The following CEP57L1 variants were observed in gnomAD, a reference collection of about 807,000 sequenced individuals.
CEP57L1 encodes centrosomal protein 57 like 1, also known as centrosomal protein CEP57L1.
CEP57L1 carries 37 observed loss-of-function variants against 61.0 expected under a neutral mutation model. That is an observed-to-expected ratio of 0.61 (90% CI 0.47 to 0.80). The LOEUF (loss-of-function observed/expected upper bound fraction) is 0.80. Among genes scored for constraint, CEP57L1 ranks in the 30% least tolerant of loss-of-function variants. The pLI, the probability that CEP57L1 is intolerant of heterozygous loss-of-function variation, is 0.00. For missense variants in CEP57L1, 422 were observed against 524.7 expected, an observed-to-expected ratio of 0.80 and a Z score of 1.91; for synonymous variants, 137 against 162.3, an observed-to-expected ratio of 0.84 and a Z score of 1.19.
At chr6:109,120,986 T>C (rs2114697205) in intron 1 of CEP57L1, among the ~76,000 whole-genome samples, 1 of 151,140 alleles carries the variant, frequency 6.6e-6, no homozygotes, top group African/African-American at 2.4e-5. Flanking sequence ...AAACATTTGC[T>C]CTGGGGGTAG....
At chr6:109,107,594 T>A (rs1369019976) in intron 1 of CEP57L1, among the ~76,000 whole-genome samples, 4 of 152,124 alleles carry the variant, frequency 2.6e-5, no homozygotes, top group Non-Finnish European at 5.9e-5. Context: ...AGACAAAACT[T>A]AATTGTTACC....
In CEP57L1 at chr6:109,108,011, T is replaced by G. The variant is rs116355244; in HGVS notation, c.-4+12436T>G. 8.3e-3 allele frequency among the ~76,000 whole-genome samples: 1,261 copies of G among 152,254 alleles called. 24 individuals are homozygous for G. Among genetic ancestry groups the G allele is most frequent in the African/African-American group, 0.029 (1,210 of 41,554 alleles). On this transcript the variant is annotated intron_variant, in intron 1 of 10. Transcript: ENST00000517392. ...CTCTTTTAATAGAATTTTAGAAATGTATGAAAACCTCAAAATTAAGTTATT... is the reference window on the plus strand; with the variant it reads ...CTCTTTTAATAGAATTTTAGAAATGGATGAAAACCTCAAAATTAAGTTATT...
intron 7 of CEP57L1, chr6:109,158,294 C>T (rs983640210): frequency 1.1e-5 from 2 of 181,202 alleles, no homozygotes; most frequent in Non-Finnish European, 1.2e-5. Flanking sequence ...TCAAGACCAG[C>T]CTGGCCAATA....
intron 1 of CEP57L1, among the ~76,000 whole-genome samples, chr6:109,110,426 G>A (rs1342568290): frequency 6.8e-6 from 1 of 148,110 alleles, no homozygotes; most frequent in African/African-American, 2.4e-5. Context: ...CTTTGTAGAT[G>A]GATAGTCAGA....
Position 109,168,287 on chromosome 6 carries a change from G to A in CEP57L1, c.*5317G>A, listed in dbSNP as rs1774226450. On this transcript the variant is annotated 3_prime_UTR_variant, in exon 11 of 11. Coordinates refer to ENST00000517392, the MANE Select transcript of CEP57L1 (RefSeq NM_001271852.3). ...AGCCAGTCTATAATCCAATTCAAAG[G>A]CATGAGTGGAAAAAGTGGGTATGAA... is the stretch of plus-strand genomic sequence containing the variant. Among the ~76,000 whole-genome samples the A allele has an allele frequency of 6.6e-6, 1 of 152,166 alleles. No homozygotes were observed. The highest frequency in any genetic ancestry group is 2.4e-5 in the African/African-American group (1 of 41,430).
upstream of CEP57L1, chr6:109,095,489 A>AC (rs200373489): frequency 7.5e-3 from 7,355 of 985,524 alleles, 29 homozygotes; most frequent in Non-Finnish European, 8.3e-3. Flanking sequence ...AGAAACTACA[A>AC]CCCCCAGGGG....
chr6:109,153,995 T>C (rs1316062834), intron 5 of CEP57L1, 46 bp downstream of exon 5: 3 of 964,346 alleles, frequency 3.1e-6, no homozygotes, highest in Admixed American at 2.2e-5. Context: ...ATCTTTAGTG[T>C]TAAGCATAAT....
chr6:109,117,773 A>T lies in CEP57L1; in HGVS notation c.-4+22198A>T, dbSNP rs139845337. Among the ~76,000 whole-genome samples, 51 of 152,306 alleles carry T rather than the reference A, an allele frequency of 3.3e-4. No homozygotes were observed. The East Asian group carries it at 7.9e-3, about 24-fold the overall frequency. On this transcript the variant is annotated intron_variant, in intron 1 of 10. Transcript: ENST00000517392. ...ATATTAAGCGAAGTGAATTATGCAG[A>T]TACAGTCACAGGCAACGTCTATATG...
At position 109,160,635 on chromosome 6, in the gene CEP57L1, A is replaced by G. The variant is rs1489271300; in HGVS notation, c.1080A>G (p.Ile360Met). The G allele has an allele frequency of 1.9e-6, 3 of 1,607,300 alleles. No individual in the cohort carries two copies. The highest frequency in any genetic ancestry group is 1.3e-5 in the African/African-American group (1 of 74,518). Residue 360 changes from isoleucine to methionine, a missense_variant, in exon 10 of 11, where the codon ATA (isoleucine) becomes ATG (methionine). Transcript: ENST00000517392. ...AAAGTCATTCAGTCTGTGACGACAT[A>G]GAATGTGAACTAGAGTGTTTACTCA... is the stretch of plus-strand genomic sequence containing the variant. ...ETESHSVCDDIECELECLLKK... is the reference protein window; with the variant it reads ...ETESHSVCDDMECELECLLKK...
At chr6:109,114,086 C>T (rs1381032242) in intron 1 of CEP57L1, among the ~76,000 whole-genome samples, 1 of 151,834 alleles carries the variant, frequency 6.6e-6, no homozygotes. Flanking sequence ...AGTGGGATTG[C>T]TGGATTATAT....
At chr6:109,145,614 C>A (rs913818923) in intron 2 of CEP57L1, among the ~76,000 whole-genome samples, 1 of 151,734 alleles carries the variant, frequency 6.6e-6, no homozygotes, top group Non-Finnish European at 1.5e-5. Flanking sequence ...ACAGAGTTAT[C>A]ATAAAAACAT....
chr6:109,143,171 C>G (rs1771606626), intron 1 of CEP57L1, among the ~76,000 whole-genome samples: 1 of 151,950 alleles, frequency 6.6e-6, no homozygotes, highest in African/African-American at 2.4e-5. Flanking sequence ...TAAACTCTCT[C>G]TCTTTTTAGA....
At position 109,150,165 on chromosome 6, in the gene CEP57L1, G is replaced by C. The variant is rs529393196; in HGVS notation, c.388G>C (p.Glu130Gln). 6.2e-7 allele frequency: 1 copy of C among 1,610,638 alleles called. No homozygotes were observed. The highest frequency in any genetic ancestry group is 1.1e-5 in the South Asian group (1 of 91,014). Reference protein sequence around the residue: ...SSAQSRCTLLEKQLEYTKRMV... With the variant: ...SSAQSRCTLLQKQLEYTKRMV... ...AGCCCAGTCTCGTTGTACTCTTCTAGAGAAGCAACTAGAATATACAAAGAG... is the reference window on the plus strand; with the variant it reads ...AGCCCAGTCTCGTTGTACTCTTCTACAGAAGCAACTAGAATATACAAAGAG... The change falls in exon 4 of 11, where the codon GAG (glutamate) becomes CAG (glutamine). Residue 130 changes from glutamate to glutamine, a missense_variant. Glu to Gln is a conservative substitution (Grantham distance 29). Transcript: ENST00000517392.
At chr6:109,098,191 A>G (rs1302389327) in intron 1 of CEP57L1, among the ~76,000 whole-genome samples, 2 of 151,988 alleles carry the variant, frequency 1.3e-5, no homozygotes, top group African/African-American at 2.4e-5. Flanking sequence ...CTTGTTGCCC[A>G]GGCTGGAGTG....
rs1355333493 is a variant in CEP57L1, at chr6:109,167,721, G to A, written c.*4751G>A. Among the ~76,000 whole-genome samples, 3 of 152,000 alleles carry A rather than the reference G, an allele frequency of 2.0e-5. No individual in the cohort carries two copies. Among genetic ancestry groups the A allele is most frequent in the Non-Finnish European group, 4.4e-5 (3 of 67,982 alleles). ...AAGAAAAGAAAAAAGGAATAGCCCA[G>A]TATTGTTTGTTTGGGGAGGGGCAGG... is the stretch of plus-strand genomic sequence containing the variant. On this transcript the variant is annotated 3_prime_UTR_variant, in exon 11 of 11. Transcript: ENST00000517392.
intron 1 of CEP57L1, among the ~76,000 whole-genome samples, chr6:109,141,265 G>A (rs1330005747): frequency 6.6e-6 from 1 of 151,988 alleles, no homozygotes; most frequent in East Asian, 1.9e-4. Context: ...GCCTGTGCTA[G>A]TGTGTAGTGG....
At chr6:109,126,919 G>T (rs1257748385) in intron 1 of CEP57L1, among the ~76,000 whole-genome samples, 2 of 152,144 alleles carry the variant, frequency 1.3e-5, no homozygotes, top group Admixed American at 6.5e-5. Context: ...TGTAATCCCA[G>T]CACTTTGGGA....
chr6:109,157,062 C>G (rs1773289616), intron 7 of CEP57L1: 1 of 151,776 alleles, frequency 6.6e-6, no homozygotes, highest in African/African-American at 2.4e-5. Context: ...TTCAGTTTAC[C>G]TATTTATTAT....
At chr6:109,120,936 A>G (rs902707615) in intron 1 of CEP57L1, among the ~76,000 whole-genome samples, 2 of 110,536 alleles carry the variant, frequency 1.8e-5, no homozygotes, top group African/African-American at 2.7e-5. Flanking sequence ...ACACACACAC[A>G]CACACACACA....
Sources: gnomAD v4.1 joint callset for allele counts (sites outside exome capture counted in the v4.1 genomes callset) on GRCh38, gnomAD v4.1.1 for gene constraint, MANE v1.5 for transcripts, NCBI Gene and HGNC (gene_info 2026-07-23, HGNC 2026-07-21) for gene names.